Variants in COLGALT2 observed in about 807,000 individuals in gnomAD.
COLGALT2 encodes procollagen galactosyltransferase 2.
A neutral mutation model predicts 73.4 loss-of-function variants in COLGALT2; 49 were observed. The ratio of observed to expected loss-of-function variants is 0.67; its 90% CI spans 0.53 to 0.85. COLGALT2 has a LOEUF of 0.85. COLGALT2 is among the 40% of genes least tolerant of loss of function. COLGALT2 has a pLI of 0.00. For missense variants in COLGALT2, 722 were observed against 790.2 expected (o/e 0.91, Z 1.03); for synonymous variants, 295 against 307.6 (o/e 0.96, Z 0.43).
At chr1:183,944,073 GA>G (rs1302264449) in intron 10 of COLGALT2, 122 bp downstream of exon 10, 2 of 1,178,658 alleles carry the variant, frequency 1.7e-6, no homozygotes, top group Admixed American at 2.9e-5. Context: ...TTTATGGAAA[GA>G]AAACTAGATA....
intron 1 of COLGALT2, among the ~76,000 whole-genome samples, chr1:184,015,879 A>G (rs1023168760): frequency 6.6e-6 from 1 of 152,256 alleles, no homozygotes; most frequent in Non-Finnish European, 1.5e-5. Flanking sequence ...GATGCCATAG[A>G]TGTGGCAAAC....
At chr1:183,986,948 C>T (rs1160686992) in intron 1 of COLGALT2, among the ~76,000 whole-genome samples, 3 of 152,088 alleles carry the variant, frequency 2.0e-5, no homozygotes, top group Admixed American at 2.0e-4. Flanking sequence ...AGTAGATGAC[C>T]AGGAAACACC....
rs181936196 is a variant in COLGALT2, at chr1:184,030,917, G to C, written c.263+6178C>G. 1.2e-3 allele frequency among the ~76,000 whole-genome samples: 190 copies of C among 152,296 alleles called. 1 individual carries two copies. Among genetic ancestry groups the C allele is most frequent in the African/African-American group, 4.4e-3 (183 of 41,564 alleles). ...CATGGGAATCTCTTAACTGCCCTGT[G>C]CTTTAGATGCCTCATCATGGAACTC... On this transcript the variant is annotated intron_variant, in intron 1 of 11. Coordinates refer to ENST00000361927, the MANE Select transcript of COLGALT2 (RefSeq NM_015101.4).
At chr1:183,976,247 C>T (rs917175519) in intron 2 of COLGALT2, among the ~76,000 whole-genome samples, 3 of 151,964 alleles carry the variant, frequency 2.0e-5, no homozygotes, top group South Asian at 2.1e-4. Flanking sequence ...TTATAAGGCA[C>T]TCTAAAGGAG....
At chr1:183,940,893 ACT>A in intron 10 of COLGALT2, 106 bp from the exon 11 acceptor site, 2 of 950,180 alleles carry the variant, frequency 2.1e-6, no homozygotes, top group Non-Finnish European at 1.7e-6. Flanking sequence ...TCCTGGACTG[ACT>A]CTGTCTGTCA....
At chr1:183,981,728 T>C (rs1671357038) in intron 1 of COLGALT2, among the ~76,000 whole-genome samples, 1 of 152,210 alleles carries the variant, frequency 6.6e-6, no homozygotes, top group Admixed American at 6.5e-5. Context: ...AGTTTTTAAT[T>C]GGTTTTAAAT....
intron 1 of COLGALT2, among the ~76,000 whole-genome samples, chr1:184,016,020 T>C (rs1572679131): frequency 6.6e-6 from 1 of 152,340 alleles, no homozygotes; most frequent in East Asian, 1.9e-4. Flanking sequence ...GGCATCAAAC[T>C]GTCATGGGTG....
chr1:184,009,309 T>C (rs1672171571), intron 1 of COLGALT2, among the ~76,000 whole-genome samples: 1 of 152,222 alleles, frequency 6.6e-6, no homozygotes, highest in African/African-American at 2.4e-5. Context: ...TGAAATTGCA[T>C]TTTATTAAGA....
intron 10 of COLGALT2, among the ~76,000 whole-genome samples, 170 bp from the exon 11 acceptor site, chr1:183,940,957 C>A (rs1670091653): frequency 6.6e-6 from 1 of 152,230 alleles, no homozygotes. Flanking sequence ...TCAGGACTGC[C>A]ATCTGCCATC....
chr1:183,996,140 T>C (rs1010373431), intron 1 of COLGALT2, among the ~76,000 whole-genome samples: 1 of 152,174 alleles, frequency 6.6e-6, no homozygotes, highest in Admixed American at 6.5e-5. Context: ...CCATAAATGT[T>C]AGGAAATAAA....
intron 6 of COLGALT2, among the ~76,000 whole-genome samples, chr1:183,956,627 C>G (rs954009785): frequency 3.9e-5 from 6 of 152,192 alleles, no homozygotes; most frequent in African/African-American, 1.4e-4. Flanking sequence ...CTGCTGGTCT[C>G]CTTTGGACTC....
chr1:184,025,087 C>T (rs534430965), intron 1 of COLGALT2, among the ~76,000 whole-genome samples: 4 of 152,306 alleles, frequency 2.6e-5, no homozygotes, highest in East Asian at 3.9e-4. Context: ...TTCGCACAGG[C>T]GTTATGAAAG....
intron 1 of COLGALT2, among the ~76,000 whole-genome samples, chr1:184,022,809 A>T (rs998358923): frequency 5.9e-5 from 9 of 152,242 alleles, no homozygotes; most frequent in African/African-American, 2.2e-4. Flanking sequence ...TGACTATGAT[A>T]TCAAAGTGAA....
intron 1 of COLGALT2, among the ~76,000 whole-genome samples, chr1:184,025,969 C>T (rs774276593): frequency 8.9e-4 from 136 of 152,182 alleles, no homozygotes; most frequent in Admixed American, 2.5e-3. Flanking sequence ...TGCATATTAC[C>T]ACCCTTTGGG....
At chr1:183,975,987 T>C (rs1671179227) in intron 2 of COLGALT2, among the ~76,000 whole-genome samples, 1 of 152,220 alleles carries the variant, frequency 6.6e-6, no homozygotes, top group Non-Finnish European at 1.5e-5. Flanking sequence ...ACTAAACAAA[T>C]AAGGTTAATA....
chr1:183,977,069 G>T (rs547675211), intron 2 of COLGALT2, among the ~76,000 whole-genome samples: 2 of 152,178 alleles, frequency 1.3e-5, no homozygotes, highest in African/African-American at 4.8e-5. Flanking sequence ...GTCCTAAAGA[G>T]TAAGTGAAGT....
chr1:184,020,180 C>T (rs1229802478), intron 1 of COLGALT2, among the ~76,000 whole-genome samples: 3 of 152,028 alleles, frequency 2.0e-5, no homozygotes, highest in Non-Finnish European at 4.4e-5. Flanking sequence ...CCATTGATGA[C>T]AGAAGAGCCA....
chr1:183,944,460 T>A, intron 9 of COLGALT2, 137 bp from the exon 10 acceptor site: 1 of 896,214 alleles, frequency 1.1e-6, no homozygotes, highest in Non-Finnish European at 1.6e-6. Context: ...CCATCAACAG[T>A]AGAATAGATA....
At chr1:183,987,637 A>C (rs2182623) in intron 1 of COLGALT2, among the ~76,000 whole-genome samples, 28,784 of 152,206 alleles carry the variant, frequency 0.19, 3,016 homozygotes, top group East Asian at 0.41. Context: ...TAAAATAAGC[A>C]CTTATCATGA....
Sources: gnomAD v4.1 joint callset for allele counts (sites outside exome capture counted in the v4.1 genomes callset) on GRCh38, gnomAD v4.1.1 for gene constraint, MANE v1.5 for transcripts, NCBI Gene and HGNC (gene_info 2026-07-23, HGNC 2026-07-21) for gene names.